SMAD2: variants seen among roughly 807,000 people sequenced by gnomAD.
SMAD2 encodes the protein MAD homolog 2.
In SMAD2, 8 loss-of-function variants were observed where a neutral mutation model predicts 64.4. That is an observed-to-expected ratio of 0.12 (90% CI 0.07 to 0.22). The LOEUF is 0.22. Ranked by LOEUF, SMAD2 falls within the 10% of genes least tolerant of loss-of-function variation. SMAD2 has a pLI of 1.00. For missense variants in SMAD2, 289 were observed against 561.2 expected, an observed-to-expected ratio of 0.51 and a Z score of 4.90; for synonymous variants, 203 against 195.8, an observed-to-expected ratio of 1.04 and a Z score of -0.31.
rs192204330 is a variant in SMAD2, at chr18:47,828,245, T to C, written c.*13582A>G. ...GAGGGAGGTGGGGGGCAGCCCCTGC[T>C]CGGCCAGCCGCCCCGTCCGGGAGGT... On this transcript the variant is annotated 3_prime_UTR_variant, in exon 11 of 11. Coordinates refer to ENST00000262160, the MANE Select transcript of SMAD2 (RefSeq NM_005901.6). 2,605 of 149,350 alleles carry C rather than the reference T, an allele frequency of 0.017. 66 individuals carry two copies. The highest frequency in any genetic ancestry group is 0.062 in the African/African-American group (2,427 of 38,952). 9.3% of individuals were successfully genotyped at this position (149,350 alleles called of 1,614,324 possible). A position where few individuals can be genotyped will look rare whatever the true frequency, so the allele number is the denominator to read the frequency against.
chr18:47,860,453 A>G (rs2031088229), intron 6 of SMAD2, among the ~76,000 whole-genome samples: 1 of 151,696 alleles, frequency 6.6e-6, no homozygotes, highest in South Asian at 2.1e-4. Flanking sequence ...AAAAAAAAAA[A>G]ATTTTTTTTT....
chr18:47,918,140 G>C (rs1486362871), intron 1 of SMAD2, among the ~76,000 whole-genome samples: 1 of 152,200 alleles, frequency 6.6e-6, no homozygotes, highest in Non-Finnish European at 1.5e-5. Context: ...TCAGTTCTTA[G>C]ATTTCCGCCC....
chr18:47,883,417 G>C (rs930053119), intron 2 of SMAD2, among the ~76,000 whole-genome samples: 1 of 152,120 alleles, frequency 6.6e-6, no homozygotes, highest in African/African-American at 2.4e-5. Context: ...AGTCTTTCCT[G>C]GTGAAGTTAC....
chr18:47,840,347 A>G lies in SMAD2; in HGVS notation c.*1480T>C, dbSNP rs1040782157. The stretch of plus-strand genomic sequence containing the variant: ...AACAAGAAGAAATGTTTAAACTGCA[A>G]TGAGTCAACATCAGACATAATAATT... On this transcript the variant is annotated 3_prime_UTR_variant, in exon 11 of 11. Coordinates refer to ENST00000262160, the MANE Select transcript of SMAD2 (RefSeq NM_005901.6). 2 of 232,812 alleles carry G rather than the reference A, an allele frequency of 8.6e-6. No homozygotes were observed. Among genetic ancestry groups the G allele is most frequent in the African/African-American group, 4.4e-5 (2 of 45,346 alleles). 14.4% of individuals were successfully genotyped at this position (232,812 alleles called of 1,614,324 possible).
chr18:47,900,636 T>C (rs2033646876), intron 1 of SMAD2, among the ~76,000 whole-genome samples: 3 of 152,182 alleles, frequency 2.0e-5, no homozygotes, highest in Non-Finnish European at 2.9e-5. Context: ...TTGTCTTCAT[T>C]ATTTCTTTAC....
rs370494193 is a variant in SMAD2 at position 47,910,975 on chromosome 18, G to C, written c.-53-14166C>G. On this transcript the variant is annotated intron_variant, in intron 1 of 10. Coordinates refer to ENST00000262160, the MANE Select transcript of SMAD2 (RefSeq NM_005901.6). ...AACATTAAATAAAAGCTCAAAAAAG[G>C]ACTTTAAATTATCAAAAGAATGTTC... 8.5e-5 allele frequency among the ~76,000 whole-genome samples: 13 copies of C among 152,170 alleles called. No individual in the cohort carries two copies. The East Asian group carries it at 2.1e-3, about 25-fold the overall frequency.
Position 47,909,263 on chromosome 18 carries a change from T to C in SMAD2, c.-53-12454A>G, listed in dbSNP as rs140034887. 3.9e-5 allele frequency among the ~76,000 whole-genome samples: 6 copies of C among 152,298 alleles called. No individual in the cohort carries two copies. The East Asian group carries it at 5.8e-4, about 15-fold the overall frequency. On this transcript the variant is annotated intron_variant, in intron 1 of 10. Coordinates refer to ENST00000262160, the MANE Select transcript of SMAD2 (RefSeq NM_005901.6). Reference sequence around the variant, plus strand: ...TTTGAGAAAAAGCGGAGTCATTATATGACAACTTAAAGCAAAATTAAGGTG... The same window carrying C: ...TTTGAGAAAAAGCGGAGTCATTATACGACAACTTAAAGCAAAATTAAGGTG...
chr18:47,876,056 G>A (rs1024548614), intron 2 of SMAD2, among the ~76,000 whole-genome samples: 2 of 151,974 alleles, frequency 1.3e-5, no homozygotes, highest in Non-Finnish European at 2.9e-5. Context: ...ACATCAAGCT[G>A]TTTACAAAGT....
At chr18:47,907,011 G>A (rs2033932487) in intron 1 of SMAD2, among the ~76,000 whole-genome samples, 1 of 152,022 alleles carries the variant, frequency 6.6e-6, no homozygotes, top group African/African-American at 2.4e-5. Context: ...ACATTCACAG[G>A]TTCTTGGGAT....
At chr18:47,916,993 G>A (rs1424455613) in intron 1 of SMAD2, among the ~76,000 whole-genome samples, 1 of 152,028 alleles carries the variant, frequency 6.6e-6, no homozygotes, top group Non-Finnish European at 1.5e-5. Context: ...TGTTGTTGTC[G>A]TTGTTGAGAC....
intron 2 of SMAD2, among the ~76,000 whole-genome samples, chr18:47,891,635 C>T (rs1224345632): frequency 6.6e-6 from 1 of 151,998 alleles, no homozygotes; most frequent in Non-Finnish European, 1.5e-5. Context: ...AGTGACCCTC[C>T]TGCCTCAACC....
chr18:47,868,579 C>G, intron 4 of SMAD2, 122 bp from the exon 5 acceptor site: 3 of 735,158 alleles, frequency 4.1e-6, no homozygotes, highest in Non-Finnish European at 7.2e-6. Flanking sequence ...GGTCCACCTA[C>G]TCGATATATA....
At chr18:47,866,861 AG>A (rs1454758639) in intron 5 of SMAD2, 1 of 152,234 alleles carries the variant, frequency 6.6e-6, no homozygotes, top group African/African-American at 2.4e-5. Flanking sequence ...CAATAATTAA[AG>A]GAATAAAAAA....
At chr18:47,911,760 T>G (rs576014241) in intron 1 of SMAD2, among the ~76,000 whole-genome samples, 76 of 152,354 alleles carry the variant, frequency 5.0e-4, no homozygotes, top group African/African-American at 1.8e-3. Flanking sequence ...GGTTAAACTG[T>G]CTATAGTGGT....
At chr18:47,914,854 T>C (rs972999789) in intron 1 of SMAD2, among the ~76,000 whole-genome samples, 1 of 152,180 alleles carries the variant, frequency 6.6e-6, no homozygotes, top group Non-Finnish European at 1.5e-5. Flanking sequence ...AAAAATCCTA[T>C]AGGATTTTGA....
intron 2 of SMAD2, among the ~76,000 whole-genome samples, chr18:47,894,993 C>T (rs765068884): frequency 1.3e-5 from 2 of 152,194 alleles, no homozygotes; most frequent in Non-Finnish European, 2.9e-5. Flanking sequence ...CAGCCTCTAT[C>T]GTCTTGCATT....
intron 6 of SMAD2, 112 bp from the exon 7 acceptor site, chr18:47,851,439 T>A: frequency 1.6e-6 from 1 of 628,460 alleles, no homozygotes; most frequent in Non-Finnish European, 2.8e-6. Flanking sequence ...AAAGATAATT[T>A]AAATACCAAG....
chr18:47,876,264 G>A (rs2032256666), intron 2 of SMAD2, among the ~76,000 whole-genome samples: 1 of 151,906 alleles, frequency 6.6e-6, no homozygotes, highest in South Asian at 2.1e-4. Context: ...AAAAATATCA[G>A]CAAAAATTGG....
intron 1 of SMAD2, among the ~76,000 whole-genome samples, chr18:47,914,345 T>C (rs936578373): frequency 3.9e-5 from 6 of 152,146 alleles, no homozygotes; most frequent in African/African-American, 1.4e-4. Context: ...CTAAATATAG[T>C]AGGAAACATT....
Sources: gnomAD v4.1 joint callset for allele counts (sites outside exome capture counted in the v4.1 genomes callset) on GRCh38, gnomAD v4.1.1 for gene constraint, MANE v1.5 for transcripts, NCBI Gene and HGNC (gene_info 2026-07-23, HGNC 2026-07-21) for gene names.